Variants in WDR72 observed in about 807,000 individuals in gnomAD.
WDR72 encodes WD repeat domain 72, also known as WD repeat-containing protein 72.
A neutral mutation model predicts 124.2 loss-of-function variants in WDR72; 120 were observed. The ratio of observed to expected loss-of-function variants is 0.97; its 90% confidence interval spans 0.83 to 1.12. The LOEUF is 1.12. Among genes scored for constraint, WDR72 ranks in the 50% most tolerant of loss-of-function variants. The pLI, the probability that WDR72 is intolerant of heterozygous loss-of-function variation, is 0.00. For synonymous variants in WDR72, 452 were observed against 441.7 expected (o/e 1.02, Z -0.29); for missense variants, 1,387 against 1,278.8 (o/e 1.08, Z -1.29).
intron 14 of WDR72, among the ~76,000 whole-genome samples, chr15:53,625,817 T>C (rs1368233810): frequency 6.7e-6 from 1 of 149,658 alleles, no homozygotes; most frequent in Admixed American, 6.6e-5. Flanking sequence ...AAAAATGTAA[T>C]AGGTGTGAAA....
chr15:53,722,806 T>C lies in WDR72; in HGVS notation c.256A>G (p.Asn86Asp). 1.2e-6 allele frequency: 2 copies of C among 1,614,050 alleles called. No individual in the cohort carries two copies. Among genetic ancestry groups the C allele is most frequent in the Non-Finnish European group, 1.7e-6 (2 of 1,179,932 alleles). ...KQPYIVSAAE[N>D]GEMCVWNVTN... is the part of the protein sequence containing the mutation. The stretch of plus-strand genomic sequence containing the variant: ...AAGTTTACATACCATACCTACCCAT[T>C]TTCAGCAGCACTAACAATGTAGGGC... The change falls in exon 3 of 20, where the codon AAT becomes GAT. Residue 86 changes from asparagine to aspartate, a missense_variant. Coordinates refer to ENST00000360509, the MANE Select transcript of WDR72 (RefSeq NM_182758.4).
chr15:53,734,826 A>T lies in WDR72; in HGVS notation c.-12-1665T>A, dbSNP rs937418617. ...TTGGGACTAAAAAAAAAAAATAATA[A>T]TATTATATATAATTCCGGAATGAAT... On this transcript the variant is annotated intron_variant, in intron 1 of 19. Coordinates refer to ENST00000360509, the MANE Select transcript of WDR72 (RefSeq NM_182758.4). 1.5e-4 allele frequency among the ~76,000 whole-genome samples: 22 copies of T among 151,236 alleles called. 1 individual carries two copies. Among genetic ancestry groups the T allele is most frequent in the African/African-American group, 5.1e-4 (21 of 41,224 alleles).
rs1047665263 is a variant in WDR72, at chr15:53,723,492, C to A, written c.154-584G>T. Reference sequence around the variant, plus strand: ...AGTATCTCAGAGAGGTATCTGTACCCCCATGTTCATTGTAGCATTATTCAC... The same window carrying A: ...AGTATCTCAGAGAGGTATCTGTACCACCATGTTCATTGTAGCATTATTCAC... On this transcript the variant is annotated intron_variant, in intron 2 of 19. Coordinates refer to ENST00000360509, the MANE Select transcript of WDR72 (RefSeq NM_182758.4). Among the ~76,000 whole-genome samples the A allele has an allele frequency of 2.6e-5, 4 of 152,236 alleles. No homozygotes were observed. In the South Asian group the frequency reaches 8.3e-4, roughly 32 times the overall value.
At chr15:53,529,588 G>C (rs1892337839) in intron 18 of WDR72, among the ~76,000 whole-genome samples, 1 of 151,986 alleles carries the variant, frequency 6.6e-6, no homozygotes, top group African/African-American at 2.4e-5. Flanking sequence ...AAAAGAGAAA[G>C]TGTTCCTTCT....
chr15:53,565,476 T>C (rs1894262832), intron 18 of WDR72, among the ~76,000 whole-genome samples: 1 of 151,932 alleles, frequency 6.6e-6, no homozygotes, highest in Admixed American at 6.6e-5. Flanking sequence ...TATGCAACAA[T>C]GTGCCAAGAC....
chr15:53,591,642 G>A (rs1395272473), intron 18 of WDR72, among the ~76,000 whole-genome samples: 4 of 151,328 alleles, frequency 2.6e-5, no homozygotes, highest in Non-Finnish European at 5.9e-5. Context: ...ATTCCAAAAT[G>A]AGGAAATTAA....
At chr15:53,604,773 G>A (rs926299637) in intron 17 of WDR72, among the ~76,000 whole-genome samples, 7 of 152,066 alleles carry the variant, frequency 4.6e-5, no homozygotes, top group Non-Finnish European at 7.4e-5. Flanking sequence ...AAACCACAAC[G>A]AGATAATACC....
At chr15:53,534,066 C>A (rs935892033) in intron 18 of WDR72, among the ~76,000 whole-genome samples, 2 of 152,108 alleles carry the variant, frequency 1.3e-5, no homozygotes, top group Non-Finnish European at 2.9e-5. Flanking sequence ...TACAATGGAA[C>A]CTCTGGTGCT....
At chr15:53,648,593 G>A (rs969300576) in intron 14 of WDR72, among the ~76,000 whole-genome samples, 1 of 152,046 alleles carries the variant, frequency 6.6e-6, no homozygotes, top group Non-Finnish European at 1.5e-5. Context: ...TTAAAATAGT[G>A]TTTCTCCTCT....
chr15:53,686,218 T>C (rs1250970851), intron 13 of WDR72, among the ~76,000 whole-genome samples: 2 of 150,528 alleles, frequency 1.3e-5, no homozygotes. Flanking sequence ...CAATATTAAC[T>C]TTAAATGTAA....
At chr15:53,534,720 A>C (rs1036006009) in intron 18 of WDR72, among the ~76,000 whole-genome samples, 2 of 152,126 alleles carry the variant, frequency 1.3e-5, no homozygotes, top group Non-Finnish European at 2.9e-5. Flanking sequence ...TGGTACTCTC[A>C]CGTAAAGTAC....
At chr15:53,574,740 TTTC>T (rs1894688505) in intron 18 of WDR72, among the ~76,000 whole-genome samples, 1 of 152,162 alleles carries the variant, frequency 6.6e-6, no homozygotes, top group Admixed American at 6.6e-5. Flanking sequence ...GACATCAGAC[TTTC>T]TTTTCTTCCT....
At chr15:53,601,969 G>C (rs1353604434) in intron 17 of WDR72, among the ~76,000 whole-genome samples, 3 of 152,052 alleles carry the variant, frequency 2.0e-5, no homozygotes, top group African/African-American at 7.2e-5. Flanking sequence ...TTCAGGACCT[G>C]AACTCAGCAC....
intron 2 of WDR72, among the ~76,000 whole-genome samples, chr15:53,724,111 A>C (rs2017952832): frequency 6.6e-6 from 1 of 152,232 alleles, no homozygotes; most frequent in African/African-American, 2.4e-5. Context: ...CTAAAAGGCC[A>C]AACTCATAGA....
At chr15:53,758,553 C>A (rs528688110) in intron 1 of WDR72, among the ~76,000 whole-genome samples, 3 of 152,030 alleles carry the variant, frequency 2.0e-5, no homozygotes, top group African/African-American at 7.2e-5. Context: ...AAAAAAGCTG[C>A]ACAAGACCAA....
chr15:53,737,495 G>T (rs571383670), intron 1 of WDR72, among the ~76,000 whole-genome samples: 1 of 152,088 alleles, frequency 6.6e-6, no homozygotes, highest in African/African-American at 2.4e-5. Context: ...CAGGCAAATA[G>T]TAATAAAAGA....
chr15:53,706,351 T>TGTGTATATATATATATATACATAC (rs1555426201), intron 9 of WDR72, among the ~76,000 whole-genome samples: 1 of 11,314 alleles, frequency 8.8e-5, no homozygotes, highest in African/African-American at 2.4e-4. Flanking sequence ...TGTGTGTGTG[T>TGTGTATATATATATATATACATAC]ATATATATAT....
chr15:53,623,076 T>A (rs998697484), intron 14 of WDR72, among the ~76,000 whole-genome samples: 1 of 152,148 alleles, frequency 6.6e-6, no homozygotes, highest in Non-Finnish European at 1.5e-5. Flanking sequence ...AAATCATTAG[T>A]CTCAAAAAAG....
At chr15:53,663,937 A>C (rs552560334) in intron 14 of WDR72, among the ~76,000 whole-genome samples, 5 of 142,622 alleles carry the variant, frequency 3.5e-5, no homozygotes, top group Non-Finnish European at 7.4e-5. Flanking sequence ...AATAGGAAAA[A>C]TAGGTTTTAA....
Sources: allele counts gnomAD v4.1 joint callset (sites outside exome capture counted in the v4.1 genomes callset), GRCh38; gene constraint gnomAD v4.1.1; transcripts MANE v1.5; gene names NCBI Gene and HGNC (gene_info 2026-07-23, HGNC 2026-07-21).